The following ZNF626 variants were observed in gnomAD, a reference collection of about 807,000 sequenced individuals.
The protein encoded by ZNF626 is CTC-513N18.7.
A neutral mutation model predicts 11.7 loss-of-function variants in ZNF626; 4 were observed. The observed-to-expected ratio is 0.34, with a 90% CI of 0.17 to 0.78. The LOEUF (loss-of-function observed/expected upper bound fraction) is 0.78. ZNF626 is among the 30% of genes least tolerant of loss of function. ZNF626 has a pLI of 0.57. For missense variants in ZNF626, 588 were observed against 587.1 expected (o/e 1.00, Z -0.01); for synonymous variants, 179 against 198.6 (o/e 0.90, Z 0.83).
At position 20,629,096 on chromosome 19, in the gene ZNF626, T is replaced by G. The variant is rs77806744; in HGVS notation, c.227-3446A>C. On this transcript the variant is annotated intron_variant, in intron 3 of 3. Transcript: ENST00000601440. The stretch of plus-strand genomic sequence containing the variant: ...TTGTCAAAGGTCAGATAGTTGTAGG[T>G]AAGCGGCATTATTTCTGAGGGCTCT... 3.3e-5 allele frequency among the ~76,000 whole-genome samples: 5 copies of G among 152,322 alleles called. No homozygotes were observed. In the East Asian group the frequency reaches 9.7e-4, roughly 29 times the overall value.
intron 3 of ZNF626, among the ~76,000 whole-genome samples, chr19:20,632,283 C>A (rs569677756): frequency 6.6e-6 from 1 of 152,086 alleles, no homozygotes; most frequent in African/African-American, 2.4e-5. Flanking sequence ...TTCCTCTTCT[C>A]GAGGAGTATC....
In ZNF626 at chr19:20,653,439, T is replaced by C. The variant is rs1416265964; in HGVS notation, c.4-7034A>G. 7.2e-5 allele frequency among the ~76,000 whole-genome samples: 11 copies of C among 152,198 alleles called. No individual in the cohort carries two copies. The East Asian group carries it at 2.1e-3, about 29-fold the overall frequency. ...ATGTCATACATAGTTCATCCTAAAT[T>C]CACCTGGAGATTGAAGAGGACATCT... On this transcript the variant is annotated intron_variant, in intron 1 of 3. Coordinates refer to ENST00000601440, the MANE Select transcript of ZNF626 (RefSeq NM_001076675.3).
intron 3 of ZNF626, among the ~76,000 whole-genome samples, chr19:20,638,189 G>A (rs879957289): frequency 6.0e-5 from 9 of 151,240 alleles, no homozygotes; most frequent in African/African-American, 1.9e-4. Context: ...TTGGGAGGCC[G>A]AAATGGGCAG....
At chr19:20,653,909 C>A (rs1970176255) in intron 1 of ZNF626, among the ~76,000 whole-genome samples, 1 of 152,130 alleles carries the variant, frequency 6.6e-6, no homozygotes, top group Non-Finnish European at 1.5e-5. Context: ...GTGGCCACAT[C>A]ACCTGTCTTT....
chr19:20,642,397 A>G (rs1970033089), intron 3 of ZNF626, among the ~76,000 whole-genome samples: 1 of 152,128 alleles, frequency 6.6e-6, no homozygotes, highest in African/African-American at 2.4e-5. Context: ...CAGAAGTTTG[A>G]GATTAGCCTG....
chr19:20,635,835 T>TA (rs1242546157), intron 3 of ZNF626, among the ~76,000 whole-genome samples: 2 of 152,036 alleles, frequency 1.3e-5, no homozygotes, highest in African/African-American at 4.8e-5. Flanking sequence ...TAGACAGGAT[T>TA]AAAAAAACTG....
rs71174719 is a variant in ZNF626, at chr19:20,620,846, C to CTT, written c.*3442_*3443dup. 1.5e-3 allele frequency: 216 copies of CTT among 145,566 alleles called. No individual in the cohort carries two copies. Among genetic ancestry groups the CTT allele is most frequent in the East Asian group, 2.9e-3 (14 of 4,836 alleles). 9.0% of individuals were successfully genotyped at this position (145,566 alleles called of 1,614,324 possible). ...GGCACTGCACATGGCCGTATTTTTT[C>CTT]TTTTTTTTTTTGTGACGGAGTCTTG... On this transcript the variant is annotated 3_prime_UTR_variant, in exon 4 of 4. Coordinates refer to ENST00000601440, the MANE Select transcript of ZNF626 (RefSeq NM_001076675.3).
intron 3 of ZNF626, among the ~76,000 whole-genome samples, chr19:20,628,048 C>G (rs1313789601): frequency 6.6e-6 from 1 of 152,036 alleles, no homozygotes; most frequent in East Asian, 1.9e-4. Context: ...TTTGTCCTTG[C>G]GATAGTTTGC....
intron 3 of ZNF626, among the ~76,000 whole-genome samples, chr19:20,632,869 TAG>T (rs1304810014): frequency 6.6e-6 from 1 of 152,220 alleles, no homozygotes; most frequent in African/African-American, 2.4e-5. Flanking sequence ...CTCGGATTTT[TAG>T]AGTTTCCAGT....
chr19:20,636,025 A>C (rs1969961893), intron 3 of ZNF626, among the ~76,000 whole-genome samples: 1 of 152,276 alleles, frequency 6.6e-6, no homozygotes, highest in Middle Eastern at 3.4e-3. Context: ...CCAGCTACTC[A>C]GGAGGCTGAG....
chr19:20,626,333 A>G (rs150379219), intron 3 of ZNF626, among the ~76,000 whole-genome samples: 157 of 152,352 alleles, frequency 1.0e-3, no homozygotes, highest in Non-Finnish European at 1.7e-3. Context: ...TACAATAAAT[A>G]CAAAATAGTA....
At chr19:20,625,955 C>G (rs1481082945) in intron 3 of ZNF626, among the ~76,000 whole-genome samples, 1 of 152,160 alleles carries the variant, frequency 6.6e-6, no homozygotes, top group Non-Finnish European at 1.5e-5. Context: ...TCCAGTATAA[C>G]ATTGTGCCTT....
chr19:20,644,377 T>G (rs59477544), intron 3 of ZNF626, among the ~76,000 whole-genome samples: 1 of 152,080 alleles, frequency 6.6e-6, no homozygotes, highest in African/African-American at 2.4e-5. Context: ...TGTCCAAAAA[T>G]AAAATGGAAA....
chr19:20,644,944 G>A (rs10406397), intron 3 of ZNF626: 63,529 of 151,766 alleles, frequency 0.42, 14,835 homozygotes, highest in African/African-American at 0.63. Context: ...AAAAGGAAAA[G>A]TTAGAAAAGA....
Position 20,624,798 on chromosome 19 carries a change from T to C in ZNF626, c.1079A>G (p.Lys360Arg), listed in dbSNP as rs781918550. The C allele has an allele frequency of 2.5e-6, 4 of 1,613,662 alleles. No individual in the cohort carries two copies. In the African/African-American group the frequency reaches 5.3e-5, roughly 22 times the overall value. ...GGGTTTCTCTCCAGTATGAATTCTC[T>C]TATGTGTAGTAAGGGTAGAGGAGTA... ...FKYSSTLTTHKRIHTGEKPYK... is the reference protein window; with the variant it reads ...FKYSSTLTTHRRIHTGEKPYK... Residue 360 changes from lysine to arginine, a missense_variant, in exon 4 of 4, where the codon AAG becomes AGG. This residue lies in a region of ZNF626 where 524 missense variants were observed against 470.1 expected (regional missense o/e 1.11). Transcript: ENST00000601440.
chr19:20,649,257 T>C (rs1215281874), intron 1 of ZNF626, among the ~76,000 whole-genome samples: 1 of 152,040 alleles, frequency 6.6e-6, no homozygotes, highest in Non-Finnish European at 1.5e-5. Flanking sequence ...GGCAGAAAAA[T>C]AAAGACAGAA....
At chr19:20,642,597 A>G (rs782339075) in intron 3 of ZNF626, among the ~76,000 whole-genome samples, 1 of 152,200 alleles carries the variant, frequency 6.6e-6, no homozygotes, top group East Asian at 1.9e-4. Context: ...CTTCCTCTCA[A>G]AACAACAACA....
chr19:20,620,289 A>T lies in ZNF626; in HGVS notation c.*4001T>A, dbSNP rs1218694661. ...CAGAAAGTATACATTTGCTTTCAGC[A>T]TATTCAAGGTGTTTAGTTTTCCATT... is the stretch of plus-strand genomic sequence containing the variant. On this transcript the variant is annotated 3_prime_UTR_variant, in exon 4 of 4. Transcript: ENST00000601440. The T allele has an allele frequency of 6.6e-6, 1 of 152,204 alleles. No homozygotes were observed. Among genetic ancestry groups the T allele is most frequent in the Non-Finnish European group, 1.5e-5 (1 of 68,048 alleles). The allele number at this position is 152,204 out of a possible 1,614,324, so 9.4% of individuals were successfully genotyped here.
At position 20,625,204 on chromosome 19, in the gene ZNF626, C is replaced by T. The variant is rs1555769407; in HGVS notation, c.673G>A (p.Gly225Arg). 1 of 1,613,256 alleles carries T rather than the reference C, an allele frequency of 6.2e-7. No homozygotes were observed. The highest frequency in any genetic ancestry group is 1.7e-5 in the Admixed American group (1 of 59,996). Residue 225 changes from glycine (G) to arginine (R), a missense_variant, in exon 4 of 4, where the codon GGA becomes AGA. By Grantham distance (125) the Gly-to-Arg change is moderately radical. Coordinates refer to ENST00000601440, the MANE Select transcript of ZNF626 (RefSeq NM_001076675.3). ...SLTRHKKIHTGEKPYKCEECG... is the reference protein window; with the variant it reads ...SLTRHKKIHTREKPYKCEECG... ...TCTTCACATTTGTAGGGTTTCTCTC[C>T]AGTATGAATTTTCTTATGTCTAGTA...
Sources: gnomAD v4.1 joint callset for allele counts (sites outside exome capture counted in the v4.1 genomes callset) on GRCh38, gnomAD v4.1.1 for gene constraint, gnomAD v4.1.1 regional missense constraint, MANE v1.5 for transcripts, NCBI Gene and HGNC (gene_info 2026-07-23, HGNC 2026-07-21) for gene names.